GPRIN2: variants seen among roughly 807,000 people sequenced by gnomAD.
GPRIN2 encodes G protein regulated inducer of neurite outgrowth 2, also known as G protein-regulated inducer of neurite outgrowth 2.
GPRIN2 carries 1 observed loss-of-function variant against 0.3 expected under a neutral mutation model. That is an observed-to-expected ratio of 3.90 (90% CI 1.39 to 18.51). The LOEUF (loss-of-function observed/expected upper bound fraction) is 18.51, where lower values mean the gene tolerates loss of function less well. Ranked by LOEUF, GPRIN2 falls within the 30% of genes most tolerant of loss-of-function variation. The probability of loss-of-function intolerance (pLI) is 0.11; values close to 1 mark genes in which losing one functional copy is unlikely to be tolerated. For missense variants in GPRIN2, 880 were observed against 604.2 expected, an observed-to-expected ratio of 1.46 and a Z score of -4.79; for synonymous variants, 361 against 258.6, an observed-to-expected ratio of 1.40 and a Z score of -3.80.
chr10:46,555,986 C>G (rs1222889229), intron 1 of GPRIN2, among the ~76,000 whole-genome samples: 1 of 152,312 alleles, frequency 6.6e-6, no homozygotes, highest in Non-Finnish European at 1.5e-5. Flanking sequence ...TCCCGCCCCT[C>G]CTGCACAAAG....
chr10:46,552,786 T>C (rs1842761608), intron 2 of GPRIN2, among the ~76,000 whole-genome samples: 2 of 152,310 alleles, frequency 1.3e-5, no homozygotes, highest in Non-Finnish European at 2.9e-5. Context: ...TACAGGACTG[T>C]GCAGCTCTGA....
upstream of GPRIN2, among the ~76,000 whole-genome samples, chr10:46,556,829 C>A (rs1843298962): frequency 6.6e-6 from 1 of 152,254 alleles, no homozygotes; most frequent in South Asian, 2.1e-4. Context: ...CAGGCCGGGT[C>A]CCCACTGTCC....
At chr10:46,551,851 T>C (rs1212179949) in intron 2 of GPRIN2, among the ~76,000 whole-genome samples, 2 of 152,312 alleles carry the variant, frequency 1.3e-5, no homozygotes, top group Non-Finnish European at 2.9e-5. Context: ...GACTGAGCAT[T>C]GGGCCTGCAT....
rs930104625 is a variant in GPRIN2 at position 46,548,526 on chromosome 10, T to C, written c.*834A>G. Among the ~76,000 whole-genome samples, 2 of 152,304 alleles carry C rather than the reference T, an allele frequency of 1.3e-5. No homozygotes were observed. The highest frequency in any genetic ancestry group is 1.3e-4 in the Admixed American group (2 of 15,290). On this transcript the variant is annotated 3_prime_UTR_variant, in exon 3 of 3. Transcript: ENST00000374314. ...CATTCTCCCCTTCCTCAGGCCAGCCTCTGACACAATGACCCTGGAAGCCTG... is the reference window on the plus strand; with the variant it reads ...CATTCTCCCCTTCCTCAGGCCAGCCCCTGACACAATGACCCTGGAAGCCTG...
In GPRIN2 at chr10:46,548,411, C is replaced by T. The variant is rs1842365452; in HGVS notation, c.*949G>A. The stretch of plus-strand genomic sequence containing the variant: ...GCCCTCCCTCCTTCCACAAACTGCA[C>T]CAGCTGGGGAGAAATCCTTCAGCCG... On this transcript the variant is annotated 3_prime_UTR_variant, in exon 3 of 3. Transcript: ENST00000374314. Among the ~76,000 whole-genome samples, 1 of 152,300 alleles carries T rather than the reference C, an allele frequency of 6.6e-6. No individual in the cohort carries two copies. Among genetic ancestry groups the T allele is most frequent in the Admixed American group, 6.5e-5 (1 of 15,294 alleles).
chr10:46,549,233 G>GTC lies in GPRIN2; in HGVS notation c.*126_*127insGA. ...GCTGCAGTCCTGTGGTCTGGAGGCAGCCAATATTCAGGTGAGAGATGTGCC... is the reference window on the plus strand; with the variant it reads ...GCTGCAGTCCTGTGGTCTGGAGGCAGTCCCAATATTCAGGTGAGAGATGTGCC... On this transcript the variant is annotated 3_prime_UTR_variant, in exon 3 of 3. Coordinates refer to ENST00000374314, the MANE Select transcript of GPRIN2 (RefSeq NM_001385282.1). 1 of 1,261,418 alleles carries GTC rather than the reference G, an allele frequency of 7.9e-7. No homozygotes were observed. The highest frequency in any genetic ancestry group is 1.1e-6 in the Non-Finnish European group (1 of 947,714). The allele number at this position is 1,261,418 out of a possible 1,614,324, so 78.1% of individuals were successfully genotyped here. A position where few individuals can be genotyped will look rare whatever the true frequency, so the allele number is the denominator to read the frequency against.
At chr10:46,557,199 C>A (rs1181434776), upstream of GPRIN2, among the ~76,000 whole-genome samples, 16 of 152,402 alleles carry the variant, frequency 1.0e-4, no homozygotes, top group Admixed American at 9.2e-4. Context: ...GTCTGGGATA[C>A]CAGGCCTGGT....
Position 46,549,297 on chromosome 10 carries a change from G to T in GPRIN2, c.*63C>A. 1 of 1,439,470 alleles carries T rather than the reference G, an allele frequency of 6.9e-7. No individual in the cohort carries two copies. Among genetic ancestry groups the T allele is most frequent in the Non-Finnish European group, 9.1e-7 (1 of 1,094,912 alleles). The allele number at this position is 1,439,470 out of a possible 1,614,324, so 89.2% of individuals were successfully genotyped here. ...GTCCAGGGGGCACGGAGCCCCCACCGTCCCTGGCCCAGGTCTAGGACTAAG... is the reference window on the plus strand; with the variant it reads ...GTCCAGGGGGCACGGAGCCCCCACCTTCCCTGGCCCAGGTCTAGGACTAAG... On this transcript the variant is annotated 3_prime_UTR_variant, in exon 3 of 3. Coordinates refer to ENST00000374314, the MANE Select transcript of GPRIN2 (RefSeq NM_001385282.1).
Position 46,549,374 on chromosome 10 carries a change from C to A in GPRIN2, c.1363G>T (p.Ala455Ser), listed in dbSNP as rs1832740869. 6.7e-7 allele frequency: 1 copy of A among 1,482,012 alleles called. No individual in the cohort carries two copies. The highest frequency in any genetic ancestry group is 2.6e-5 in the Admixed American group (1 of 38,652). The allele number at this position is 1,482,012 out of a possible 1,614,324, so 91.8% of individuals were successfully genotyped here. A position where few individuals can be genotyped will look rare whatever the true frequency, so the allele number is the denominator to read the frequency against. Residue 455 changes from alanine to serine, a missense_variant, in exon 3 of 3, where the codon GCG (alanine) becomes TCG (serine). Physicochemically the swap from Ala to Ser is moderately conservative, Grantham distance 99 (BLOSUM62 1). Coordinates refer to ENST00000374314, the MANE Select transcript of GPRIN2 (RefSeq NM_001385282.1). ...GCCACAGCTCCTCACTCGGGGGCCG[C>A]GCCGGAGCAGCCGCAGCAGCTGGGG... ...RRPSCCGCSG[A>S]APE is the part of the protein sequence containing the mutation.
Position 46,547,263 on chromosome 10 carries a change from A to G in GPRIN2, c.*2097T>C, listed in dbSNP as rs1832857229. Among the ~76,000 whole-genome samples the G allele has an allele frequency of 1.2e-4, 18 of 152,420 alleles. No individual in the cohort carries two copies. Among genetic ancestry groups the G allele is most frequent in the African/African-American group, 4.1e-4 (17 of 41,604 alleles). On this transcript the variant is annotated 3_prime_UTR_variant, in exon 3 of 3. Coordinates refer to ENST00000374314, the MANE Select transcript of GPRIN2 (RefSeq NM_001385282.1). ...AACCCAGCCCCCAGCTGCCCACTCC[A>G]TTGCCCCTAAACAGGCCCCTCCTTG...
At position 46,546,450 on chromosome 10, in the gene GPRIN2, T is replaced by G. The variant is rs1842168626; in HGVS notation, c.*2910A>C. 6.6e-6 allele frequency among the ~76,000 whole-genome samples: 1 copy of G among 152,278 alleles called. No individual in the cohort carries two copies. Among genetic ancestry groups the G allele is most frequent in the South Asian group, 2.1e-4 (1 of 4,838 alleles). ...AATAAACAAGACCAGTCAGGACCGA[T>G]GCCCCATCCCTGCTGGGGTCTGGCA... is the stretch of plus-strand genomic sequence containing the variant. On this transcript the variant is annotated 3_prime_UTR_variant, in exon 3 of 3. Transcript: ENST00000374314.
At chr10:46,555,536 G>A (rs1433003168) in intron 1 of GPRIN2, 2 of 153,458 alleles carry the variant, frequency 1.3e-5, no homozygotes, top group Non-Finnish European at 2.9e-5. Flanking sequence ...ATTCCTAAAG[G>A]GAGGGTTTGG....
chr10:46,549,043 G>C lies in GPRIN2; in HGVS notation c.*317C>G. ...GAGGCAACATGGCAGAGTTCTGAGG[G>C]TGGAGTGAACAAAAGGTCATTTTTT... On this transcript the variant is annotated 3_prime_UTR_variant, in exon 3 of 3. Transcript: ENST00000374314. 1.3e-5 allele frequency: 5 copies of C among 394,834 alleles called. No individual in the cohort carries two copies. The highest frequency in any genetic ancestry group is 2.3e-5 in the Non-Finnish European group (5 of 216,048). 24.5% of individuals were successfully genotyped at this position (394,834 alleles called of 1,614,324 possible). A position where few individuals can be genotyped will look rare whatever the true frequency, so the allele number is the denominator to read the frequency against.
chr10:46,547,330 TC>T lies in GPRIN2; in HGVS notation c.*2029del, dbSNP rs1248173664. Among the ~76,000 whole-genome samples the T allele has an allele frequency of 8.5e-5, 13 of 152,426 alleles. No homozygotes were observed. Among genetic ancestry groups the T allele is most frequent in the Admixed American group, 7.2e-4 (11 of 15,310 alleles). On this transcript the variant is annotated 3_prime_UTR_variant, in exon 3 of 3. Coordinates refer to ENST00000374314, the MANE Select transcript of GPRIN2 (RefSeq NM_001385282.1). Reference sequence around the variant, plus strand: ...CTCCACTGGAAGCCAAATGGATATTTCTAAACTGAAATCTGGTCCCACCTCA... The same window carrying T: ...CTCCACTGGAAGCCAAATGGATATTTTAAACTGAAATCTGGTCCCACCTCA...
At chr10:46,552,767 T>C (rs891199880) in intron 2 of GPRIN2, among the ~76,000 whole-genome samples, 5 of 152,310 alleles carry the variant, frequency 3.3e-5, no homozygotes, top group South Asian at 2.1e-4. Context: ...ATGAGGCTAA[T>C]GGCTACCGTA....
upstream of GPRIN2, among the ~76,000 whole-genome samples, chr10:46,556,816 C>A (rs1555026351): frequency 6.6e-6 from 1 of 152,276 alleles, no homozygotes; most frequent in Non-Finnish European, 1.5e-5. Context: ...CCCGACCCCT[C>A]CTCAGGCCGG....
At position 46,545,115 on chromosome 10, in the gene GPRIN2, A is replaced by G. The variant is rs1842040999; in HGVS notation, c.*4245T>C. Reference sequence around the variant, plus strand: ...GCGTGAACAAAACTGAGACAGAGCAATGCATGGAGAAAAGGGTTGGGCATT... The same window carrying G: ...GCGTGAACAAAACTGAGACAGAGCAGTGCATGGAGAAAAGGGTTGGGCATT... On this transcript the variant is annotated 3_prime_UTR_variant, in exon 3 of 3. Coordinates refer to ENST00000374314, the MANE Select transcript of GPRIN2 (RefSeq NM_001385282.1). Among the ~76,000 whole-genome samples the G allele has an allele frequency of 6.6e-6, 1 of 152,308 alleles. No individual in the cohort carries two copies. Among genetic ancestry groups the G allele is most frequent in the Non-Finnish European group, 1.5e-5 (1 of 68,056 alleles).
chr10:46,551,413 T>C (rs1842594295), intron 2 of GPRIN2: 4 of 985,398 alleles, frequency 4.1e-6, no homozygotes, highest in Admixed American at 6.1e-5. Flanking sequence ...CCCTGACTCC[T>C]ACCTCTAGCT....
At position 46,550,775 on chromosome 10, in the gene GPRIN2, G is replaced by A. The variant is rs1832247085; in HGVS notation, c.-6-33C>T. ...AGAGAGAAAGGGAGGGAGTGGAGTTGAGTTGGGTGGCAGCACCTAAGCCGA... is the reference window on the plus strand; with the variant it reads ...AGAGAGAAAGGGAGGGAGTGGAGTTAAGTTGGGTGGCAGCACCTAAGCCGA... On this transcript the variant is annotated intron_variant, in intron 2 of 2. Transcript: ENST00000374314. 17 of 1,487,094 alleles carry A rather than the reference G, an allele frequency of 1.1e-5. No homozygotes were observed. The African/African-American group carries it at 1.8e-4, about 16-fold the overall frequency. The allele number at this position is 1,487,094 out of a possible 1,614,324, so 92.1% of individuals were successfully genotyped here. A position where few individuals can be genotyped will look rare whatever the true frequency, so the allele number is the denominator to read the frequency against.
Sources: allele counts gnomAD v4.1 joint callset (sites outside exome capture counted in the v4.1 genomes callset), GRCh38; gene constraint gnomAD v4.1.1; transcripts MANE v1.5; gene names NCBI Gene and HGNC (gene_info 2026-07-23, HGNC 2026-07-21).